The following ADAMTSL3 variants were observed in gnomAD, a reference collection of about 807,000 sequenced individuals.
The protein encoded by ADAMTSL3 is ADAMTS-like protein 3.
In ADAMTSL3, 128 loss-of-function variants were observed where a neutral mutation model predicts 201.7. That is an observed-to-expected ratio of 0.63 (90% confidence interval 0.55 to 0.73). ADAMTSL3 has a LOEUF of 0.73. Ranked by LOEUF, ADAMTSL3 falls within the 30% of genes least tolerant of loss-of-function variation. ADAMTSL3 has a pLI of 0.00. For synonymous variants in ADAMTSL3, 738 were observed against 748.4 expected (o/e 0.99, Z 0.23); for missense variants, 1,990 against 2,119.6 (o/e 0.94, Z 1.20).
At chr15:84,015,996 C>T (rs1421231302) in intron 24 of ADAMTSL3, among the ~76,000 whole-genome samples, 1 of 152,338 alleles carries the variant, frequency 6.6e-6, no homozygotes, top group East Asian at 1.9e-4. Context: ...GTACTCCTCA[C>T]CATGCAAACC....
chr15:83,771,883 A>G (rs888491307), intron 3 of ADAMTSL3, among the ~76,000 whole-genome samples: 2 of 151,578 alleles, frequency 1.3e-5, no homozygotes, highest in Non-Finnish European at 1.5e-5. Context: ...CTGAGACAGA[A>G]TCTCGCTCTG....
intron 13 of ADAMTSL3, 120 bp from the exon 14 acceptor site, chr15:83,897,738 C>T (rs1184742036): frequency 3.5e-6 from 4 of 1,158,396 alleles, no homozygotes; most frequent in Non-Finnish European, 3.5e-6. Flanking sequence ...TAATATTTGT[C>T]TAAAAGTCTT....
intron 4 of ADAMTSL3, among the ~76,000 whole-genome samples, chr15:83,781,961 G>A (rs1304777750): frequency 2.0e-5 from 3 of 152,182 alleles, no homozygotes; most frequent in East Asian, 1.9e-4. Context: ...ACATTTATAC[G>A]CTGTTGGTGG....
At chr15:83,728,241 G>T (rs183977450) in intron 3 of ADAMTSL3, among the ~76,000 whole-genome samples, 1 of 149,682 alleles carries the variant, frequency 6.7e-6, no homozygotes, top group African/African-American at 2.4e-5. Context: ...TTCAGTCTAT[G>T]TGTGTCTTTA....
chr15:83,735,701 A>G (rs997321442), intron 3 of ADAMTSL3, among the ~76,000 whole-genome samples: 3 of 151,536 alleles, frequency 2.0e-5, no homozygotes, highest in African/African-American at 7.3e-5. Flanking sequence ...TTTGCCACTG[A>G]GCAGTTTTTG....
chr15:83,811,511 T>C (rs1458592016), intron 5 of ADAMTSL3, among the ~76,000 whole-genome samples: 3 of 152,208 alleles, frequency 2.0e-5, no homozygotes, highest in African/African-American at 4.8e-5. Context: ...AGTACAGACA[T>C]AAAATGTAAT....
rs1415843599 is a variant in ADAMTSL3, at chr15:84,031,446, C to T, written c.4754+14C>T. 1 of 1,610,758 alleles carries T rather than the reference C, an allele frequency of 6.2e-7. No homozygotes were observed. Among genetic ancestry groups the T allele is most frequent in the South Asian group, 1.1e-5 (1 of 91,008 alleles). On this transcript the variant is annotated intron_variant, in intron 28 of 29. Transcript: ENST00000286744. ...TGACAGAAAGAGGTAGGGGCCCCAC[C>T]CCAGAGCAGCACACATTCTCTCCTG...
At chr15:83,811,869 T>C (rs1411708562) in intron 5 of ADAMTSL3, among the ~76,000 whole-genome samples, 1 of 152,194 alleles carries the variant, frequency 6.6e-6, no homozygotes, top group East Asian at 1.9e-4. Context: ...AAGGGAAGGT[T>C]GTGGCAGTGG....
chr15:83,890,426 A>G (rs2141886211), intron 11 of ADAMTSL3, among the ~76,000 whole-genome samples, 179 bp downstream of exon 11: 1 of 152,340 alleles, frequency 6.6e-6, no homozygotes, highest in East Asian at 1.9e-4. Context: ...TTCATTAGGA[A>G]TGAAAGTCTA....
intron 23 of ADAMTSL3, among the ~76,000 whole-genome samples, chr15:84,008,747 C>T (rs187175319): frequency 1.9e-4 from 29 of 152,290 alleles, no homozygotes; most frequent in African/African-American, 7.0e-4. Flanking sequence ...CATGCCTGCT[C>T]AGCATCTCTC....
Position 83,884,447 on chromosome 15 carries a change from G to A in ADAMTSL3, c.961-654G>A, listed in dbSNP as rs540442551. Among the ~76,000 whole-genome samples the A allele has an allele frequency of 4.4e-5, 6 of 136,166 alleles. No homozygotes were observed. The East Asian group carries it at 1.4e-3, about 32-fold the overall frequency. The allele number at this position is 136,166 out of a possible 152,430, so 89.3% of individuals were successfully genotyped here. ...GTGGCACCATGCTGGGCTAATTTTT[G>A]TATTTTTAATAGAGATGGGGTTTCA... On this transcript the variant is annotated intron_variant, in intron 9 of 29. Transcript: ENST00000286744.
intron 2 of ADAMTSL3, among the ~76,000 whole-genome samples, chr15:83,702,078 C>T (rs901341616): frequency 1.3e-5 from 2 of 152,136 alleles, no homozygotes; most frequent in African/African-American, 4.8e-5. Flanking sequence ...GGAACTGGAG[C>T]AAAGGTGACT....
chr15:83,969,148 A>G (rs2067145857), intron 19 of ADAMTSL3, among the ~76,000 whole-genome samples: 2 of 152,182 alleles, frequency 1.3e-5, no homozygotes, highest in Admixed American at 6.5e-5. Flanking sequence ...AACTTAAAGT[A>G]TAATAATTTT....
chr15:83,738,490 T>C (rs2062403106), intron 3 of ADAMTSL3, among the ~76,000 whole-genome samples: 1 of 152,216 alleles, frequency 6.6e-6, no homozygotes, highest in African/African-American at 2.4e-5. Context: ...TTTCTTTTGT[T>C]TGTTTGTGGC....
intron 12 of ADAMTSL3, among the ~76,000 whole-genome samples, chr15:83,892,089 G>A (rs757368270): frequency 3.9e-5 from 6 of 152,008 alleles, no homozygotes; most frequent in Non-Finnish European, 5.9e-5. Flanking sequence ...GGTGGCAGGT[G>A]CCTGTAATCC....
At chr15:83,746,022 G>A (rs1395016251) in intron 3 of ADAMTSL3, among the ~76,000 whole-genome samples, 1 of 152,094 alleles carries the variant, frequency 6.6e-6, no homozygotes, top group African/African-American at 2.4e-5. Context: ...AAATAGGCCT[G>A]GGACAGTGGC....
At position 83,678,559 on chromosome 15, in the gene ADAMTSL3, A is replaced by AT. The variant is rs201046410; in HGVS notation, c.69+22734dup. Among the ~76,000 whole-genome samples, 445 of 150,638 alleles carry AT rather than the reference A, an allele frequency of 3.0e-3. 4 individuals are homozygous for AT. The highest frequency in any genetic ancestry group is 0.01 in the African/African-American group (429 of 41,012). On this transcript the variant is annotated intron_variant, in intron 2 of 29. Coordinates refer to ENST00000286744, the MANE Select transcript of ADAMTSL3 (RefSeq NM_207517.3). ...TTGTTTCTCTCTAGCTGATTTTTAG[A>AT]TTTTTGTTTGTCCTTAGATTTGAAA...
At position 83,970,561 on chromosome 15, in the gene ADAMTSL3, C is replaced by T. The variant is rs780607098; in HGVS notation, c.2568C>T (p.Ile856=). ...CQRLAAKGRR[I]PLSEMMCRDL... is the part of the protein sequence containing the mutation. The stretch of plus-strand genomic sequence containing the variant: ...GGCTGGCAGCCAAAGGTCGGCGCAT[C>T]CCCCTCAGTGAGATGATGTGCAGGG... Residue 856 remains isoleucine, a synonymous_variant, in exon 20 of 30, where the codon ATC becomes ATT. Transcript: ENST00000286744. 2.5e-5 allele frequency: 40 copies of T among 1,614,084 alleles called. No homozygotes were observed. The South Asian group carries it at 3.8e-4, about 16-fold the overall frequency.
chr15:83,921,545 G>A lies in ADAMTSL3; in HGVS notation c.1988-2359G>A, dbSNP rs1596409156. Among the ~76,000 whole-genome samples the A allele has an allele frequency of 2.0e-5, 3 of 152,304 alleles. No homozygotes were observed. In the South Asian group the frequency reaches 6.2e-4, roughly 32 times the overall value. On this transcript the variant is annotated intron_variant, in intron 16 of 29. Coordinates refer to ENST00000286744, the MANE Select transcript of ADAMTSL3 (RefSeq NM_207517.3). ...GTGTTATGTTATTTGACATATTGAA[G>A]TAGTCAAGACTGTTGTTTGCAAATG...
Sources: gnomAD v4.1 joint callset for allele counts (sites outside exome capture counted in the v4.1 genomes callset) on GRCh38, gnomAD v4.1.1 for gene constraint, MANE v1.5 for transcripts, NCBI Gene and HGNC (gene_info 2026-07-23, HGNC 2026-07-21) for gene names.